The following MYO3B variants were observed in gnomAD, a reference collection of about 807,000 sequenced individuals.
MYO3B encodes myosin IIIB.
A neutral mutation model predicts 174.6 loss-of-function variants in MYO3B; 156 were observed. That is an observed-to-expected ratio of 0.89 (90% confidence interval 0.78 to 1.02). MYO3B has a LOEUF of 1.02. Among genes scored for constraint, MYO3B ranks in the 50% least tolerant of loss-of-function variants. MYO3B has a pLI of 0.00. For synonymous variants in MYO3B, 563 were observed against 569.1 expected, an observed-to-expected ratio of 0.99 and a Z score of 0.15; for missense variants, 1,632 against 1,639.4, an observed-to-expected ratio of 1.00 and a Z score of 0.08.
chr2:170,236,153 C>T lies in MYO3B; in HGVS notation c.749+17C>T. 1 of 1,613,854 alleles carries T rather than the reference C, an allele frequency of 6.2e-7. No individual in the cohort carries two copies. Among genetic ancestry groups the T allele is most frequent in the Non-Finnish European group, 8.5e-7 (1 of 1,179,882 alleles). On this transcript the variant is annotated intron_variant, in intron 7 of 34. Coordinates refer to ENST00000408978, the MANE Select transcript of MYO3B (RefSeq NM_138995.5). ...GATTCCAAGGTAAGACACAAGATGG[C>T]GCTCTTGACTCATTAGTTCTTTGTG... is the stretch of plus-strand genomic sequence containing the variant.
At chr2:170,387,076 C>G (rs1462301912) in intron 13 of MYO3B, 30 bp from the exon 14 acceptor site, 12 of 1,609,880 alleles carry the variant, frequency 7.5e-6, no homozygotes, top group Non-Finnish European at 1.0e-5. Flanking sequence ...TTTCTGGAGT[C>G]TCTTCTTGAC....
At chr2:170,562,635 GT>G (rs1691788440) in intron 32 of MYO3B, among the ~76,000 whole-genome samples, 4 of 152,328 alleles carry the variant, frequency 2.6e-5, no homozygotes, top group Admixed American at 2.6e-4. Flanking sequence ...ATTCTGTAAT[GT>G]GAAGATATTA....
Position 170,466,678 on chromosome 2 carries a change from C to G in MYO3B, c.2981C>G (p.Ser994Cys), listed in dbSNP as rs1041619012. The change falls in exon 25 of 35, where the codon TCC (serine) becomes TGC (cysteine). Residue 994 changes from serine (S) to cysteine (C), a missense_variant. Coordinates refer to ENST00000408978, the MANE Select transcript of MYO3B (RefSeq NM_138995.5). ...GTCAGCATCCGCCGCCAGGGCTATT[C>G]CCACCGCATCCTTTTTGAAGAATTT... ...ETVSIRRQGY[S>C]HRILFEEFVK... 2.5e-6 allele frequency: 4 copies of G among 1,613,962 alleles called. No individual in the cohort carries two copies. The African/African-American group carries it at 5.3e-5, about 22-fold the overall frequency.
At chr2:170,259,846 A>G (rs895134286) in intron 7 of MYO3B, among the ~76,000 whole-genome samples, 2 of 152,202 alleles carry the variant, frequency 1.3e-5, no homozygotes, top group Non-Finnish European at 2.9e-5. Flanking sequence ...CAGAATGTGT[A>G]AGGAACTTAA....
chr2:170,607,530 A>C (rs1466512810), intron 32 of MYO3B, among the ~76,000 whole-genome samples: 1 of 151,408 alleles, frequency 6.6e-6, no homozygotes, highest in Non-Finnish European at 1.5e-5. Context: ...TGGCCAAAGG[A>C]AGTTTCATGA....
chr2:170,470,111 A>G (rs1185263762), intron 25 of MYO3B, among the ~76,000 whole-genome samples: 1 of 150,308 alleles, frequency 6.7e-6, no homozygotes, highest in Non-Finnish European at 1.5e-5. Context: ...TCAAAAAAAA[A>G]AAAAAAAAAA....
rs1006186762 is a variant in MYO3B, at chr2:170,290,959, A to G, written c.750-44426A>G. Among the ~76,000 whole-genome samples the G allele has an allele frequency of 7.9e-5, 12 of 152,292 alleles. No individual in the cohort carries two copies. In the East Asian group the frequency reaches 2.3e-3, roughly 29 times the overall value. On this transcript the variant is annotated intron_variant, in intron 7 of 34. Coordinates refer to ENST00000408978, the MANE Select transcript of MYO3B (RefSeq NM_138995.5). The stretch of plus-strand genomic sequence containing the variant: ...GATCACAAATAAAATAATAGAAACA[A>G]ACAAAGGTGGCCAGGTATAGTGGCT...
intron 32 of MYO3B, among the ~76,000 whole-genome samples, chr2:170,597,503 G>T (rs1053188287): frequency 1.3e-5 from 2 of 152,102 alleles, no homozygotes; most frequent in Non-Finnish European, 2.9e-5. Context: ...TGGCCCTCCA[G>T]AGTACCCCTG....
chr2:170,600,880 C>T (rs1158080898), intron 32 of MYO3B, among the ~76,000 whole-genome samples: 2 of 152,176 alleles, frequency 1.3e-5, no homozygotes, highest in Non-Finnish European at 2.9e-5. Context: ...TTCTAATAAT[C>T]CCATGCTGTG....
intron 7 of MYO3B, chr2:170,333,845 T>C (rs554875588): frequency 1.3e-5 from 2 of 152,314 alleles, no homozygotes; most frequent in Admixed American, 6.5e-5. Context: ...TCACTTACCA[T>C]ATTATGTTCT....
At chr2:170,196,611 G>A (rs1325778210) in intron 1 of MYO3B, among the ~76,000 whole-genome samples, 2 of 152,204 alleles carry the variant, frequency 1.3e-5, no homozygotes, top group Non-Finnish European at 2.9e-5. Flanking sequence ...TTCTGCTGCT[G>A]TCTTTCCTTC....
At chr2:170,436,850 T>G (rs138634378) in intron 22 of MYO3B, among the ~76,000 whole-genome samples, 1 of 152,172 alleles carries the variant, frequency 6.6e-6, no homozygotes, top group Non-Finnish European at 1.5e-5. Flanking sequence ...CTTTCATAGT[T>G]TTTTTGACTA....
At chr2:170,614,108 C>T (rs761596991) in intron 32 of MYO3B, among the ~76,000 whole-genome samples, 1 of 152,084 alleles carries the variant, frequency 6.6e-6, no homozygotes, top group Non-Finnish European at 1.5e-5. Flanking sequence ...TCCCCTACCC[C>T]TAGGGTGTAG....
At chr2:170,504,086 C>G (rs1687463210) in intron 28 of MYO3B, among the ~76,000 whole-genome samples, 2 of 152,196 alleles carry the variant, frequency 1.3e-5, no homozygotes, top group African/African-American at 2.4e-5. Flanking sequence ...ACAAGCCTCT[C>G]TTCGTCCCAC....
At chr2:170,294,135 TAAAC>T (rs1354019327) in intron 7 of MYO3B, among the ~76,000 whole-genome samples, 1 of 152,114 alleles carries the variant, frequency 6.6e-6, no homozygotes, top group African/African-American at 2.4e-5. Flanking sequence ...CTGATCTTTT[TAAAC>T]AAACAGTTTT....
intron 32 of MYO3B, among the ~76,000 whole-genome samples, chr2:170,648,886 TTATA>T (rs954716909): frequency 0.15 from 11,050 of 74,996 alleles, 787 homozygotes; most frequent in African/African-American, 0.16. Flanking sequence ...ATTCTATATA[TTATA>T]TATGAAATAG....
chr2:170,300,888 T>C (rs2093661203), intron 7 of MYO3B, among the ~76,000 whole-genome samples: 1 of 152,204 alleles, frequency 6.6e-6, no homozygotes, highest in South Asian at 2.1e-4. Context: ...TAGCTAAGCA[T>C]GAAGATGAAA....
chr2:170,479,983 T>A (rs1685580084), intron 25 of MYO3B, among the ~76,000 whole-genome samples: 1 of 148,574 alleles, frequency 6.7e-6, no homozygotes, highest in African/African-American at 2.5e-5. Context: ...GTATATATAT[T>A]AAACCTATAT....
chr2:170,355,443 G>A (rs573228059), intron 8 of MYO3B, among the ~76,000 whole-genome samples: 78 of 152,308 alleles, frequency 5.1e-4, no homozygotes, highest in African/African-American at 1.7e-3. Flanking sequence ...ATGCCAGTAC[G>A]ACTATTGCAG....
Sources: allele counts gnomAD v4.1 joint callset (sites outside exome capture counted in the v4.1 genomes callset), GRCh38; gene constraint gnomAD v4.1.1; transcripts MANE v1.5; gene names NCBI Gene and HGNC (gene_info 2026-07-23, HGNC 2026-07-21).